The following SF3A3 variants were observed in gnomAD, a reference collection of about 807,000 sequenced individuals.
SF3A3 encodes the protein SAP 61.
SF3A3 carries 9 observed loss-of-function variants against 85.8 expected under a neutral mutation model. The ratio of observed to expected loss-of-function variants is 0.10; its 90% confidence interval spans 0.06 to 0.18. The LOEUF is 0.18. SF3A3 is among the 10% of genes least tolerant of loss of function. SF3A3 has a pLI of 1.00. For missense variants in SF3A3, 306 were observed against 593.3 expected (o/e 0.52, Z 5.03); for synonymous variants, 195 against 204.4 (o/e 0.95, Z 0.39).
chr1:37,974,224 G>A (rs985787975), intron 12 of SF3A3, among the ~76,000 whole-genome samples: 13 of 149,284 alleles, frequency 8.7e-5, no homozygotes, highest in Non-Finnish European at 1.6e-4. Context: ...AGAACTTAAA[G>A]TATAAAAAAA....
intron 15 of SF3A3, among the ~76,000 whole-genome samples, chr1:37,964,852 T>C (rs1479817646): frequency 6.6e-6 from 1 of 152,122 alleles, no homozygotes; most frequent in Non-Finnish European, 1.5e-5. Context: ...CTTCTATTTT[T>C]CCCTTTATAT....
chr1:37,981,778 C>A lies in SF3A3; in HGVS notation c.502G>T (p.Asp168Tyr). 1.3e-6 allele frequency: 2 copies of A among 1,596,862 alleles called. No individual in the cohort carries two copies. Among genetic ancestry groups the A allele is most frequent in the South Asian group, 2.2e-5 (2 of 89,964 alleles). Residue 168 changes from aspartate to tyrosine, a missense_variant, in exon 7 of 17, where the codon GAC (aspartate) becomes TAC (tyrosine). Physicochemically the swap from Asp to Tyr is radical, Grantham distance 160 (BLOSUM62 -3). Coordinates refer to ENST00000373019, the MANE Select transcript of SF3A3 (RefSeq NM_006802.4). Reference protein sequence around the residue: ...LDYITYLSIFDQLFDIPKERK... With the variant: ...LDYITYLSIFYQLFDIPKERK... ...TCTTTAGGAATGTCAAATAATTGGT[C>A]AAAGATGGACAGGTATGTGATATAA... is the stretch of plus-strand genomic sequence containing the variant.
At chr1:37,966,935 C>CAA (rs11394683) in intron 15 of SF3A3, among the ~76,000 whole-genome samples, 1,258 of 14,126 alleles carry the variant, frequency 0.089, 210 homozygotes, top group African/African-American at 0.17. Context: ...AACTCCATCT[C>CAA]AAAAAAAAAA....
Position 37,979,446 on chromosome 1 carries a change from A to C in SF3A3, c.759+19T>G. The stretch of plus-strand genomic sequence containing the variant: ...AAAAATAGACAGAGAGAACACTACT[A>C]CTGCTGAAGGAAACATACCTCCCAG... On this transcript the variant is annotated intron_variant, in intron 9 of 16. Coordinates refer to ENST00000373019, the MANE Select transcript of SF3A3 (RefSeq NM_006802.4). 1 of 1,586,550 alleles carries C rather than the reference A, an allele frequency of 6.3e-7. No individual in the cohort carries two copies. The highest frequency in any genetic ancestry group is 8.7e-7 in the Non-Finnish European group (1 of 1,155,300).
At chr1:37,973,439 A>C (rs1248980481) in intron 12 of SF3A3, among the ~76,000 whole-genome samples, 1 of 152,218 alleles carries the variant, frequency 6.6e-6, no homozygotes, top group Non-Finnish European at 1.5e-5. Context: ...AAATGTTTAC[A>C]ATTTACCCAT....
rs770904045 is a variant in SF3A3 at position 37,978,806 on chromosome 1, C to T, written c.849G>A (p.Gln283=). 24 of 1,572,654 alleles carry T rather than the reference C, an allele frequency of 1.5e-5. No individual in the cohort carries two copies. Among genetic ancestry groups the T allele is most frequent in the Middle Eastern group, 1.7e-4 (1 of 6,026 alleles). ...KCGGTLEERA[Q]RLFSTKGKSL... ...ACTTTCCTTTGGTACTGAATAGTCTCTGGGCTCGCTCTTCTAGGGTCCTAA... is the reference window on the plus strand; with the variant it reads ...ACTTTCCTTTGGTACTGAATAGTCTTTGGGCTCGCTCTTCTAGGGTCCTAA... The change falls in exon 11 of 17, where the codon CAG becomes CAA. Residue 283 remains glutamine (Q), a synonymous_variant. Transcript: ENST00000373019.
intron 6 of SF3A3, among the ~76,000 whole-genome samples, chr1:37,982,586 G>C (rs996497668): frequency 6.6e-6 from 1 of 151,972 alleles, no homozygotes; most frequent in Non-Finnish European, 1.5e-5. Flanking sequence ...TGGTCAGGCA[G>C]GTCTTGAACA....
chr1:37,969,536 G>C (rs1646324445), intron 13 of SF3A3, 35 bp downstream of exon 13: 1 of 1,613,938 alleles, frequency 6.2e-7, no homozygotes, highest in African/African-American at 1.3e-5. Context: ...TTCCAAAATG[G>C]GGAATGGGGA....
At chr1:37,971,466 A>C (rs1224522837) in intron 12 of SF3A3, among the ~76,000 whole-genome samples, 4 of 152,206 alleles carry the variant, frequency 2.6e-5, no homozygotes, top group Admixed American at 2.0e-4. Context: ...AAACTATTCT[A>C]ATCAATAGGA....
At chr1:37,983,007 C>T (rs1646430533) in intron 6 of SF3A3, among the ~76,000 whole-genome samples, 3 of 151,890 alleles carry the variant, frequency 2.0e-5, no homozygotes, top group East Asian at 2.0e-4. Context: ...GACACAATCT[C>T]GGCTTACCGC....
At chr1:37,973,685 G>A (rs865809025) in intron 12 of SF3A3, among the ~76,000 whole-genome samples, 1 of 152,156 alleles carries the variant, frequency 6.6e-6, no homozygotes, top group African/African-American at 2.4e-5. Context: ...ATTCCTCAAG[G>A]ATCTAGAACT....
At chr1:37,963,952 C>T (rs998226285) in intron 15 of SF3A3, among the ~76,000 whole-genome samples, 2 of 148,572 alleles carry the variant, frequency 1.3e-5, no homozygotes, top group South Asian at 4.3e-4. Flanking sequence ...GAGGCCAAGG[C>T]GGGCAGATCA....
rs1174210450 is a variant in SF3A3 at position 37,957,800 on chromosome 1, A to C, written c.*386T>G. 2 of 172,426 alleles carry C rather than the reference A, an allele frequency of 1.2e-5. No homozygotes were observed. The highest frequency in any genetic ancestry group is 2.5e-5 in the Non-Finnish European group (2 of 81,100). The allele number at this position is 172,426 out of a possible 1,614,324, so 10.7% of individuals were successfully genotyped here. A position where few individuals can be genotyped will look rare whatever the true frequency, so the allele number is the denominator to read the frequency against. ...GTAATACTCATTCAGGGAAGCAGCA[A>C]CAAAGGAGGGTGGGGAAAGAGGTCA... On this transcript the variant is annotated 3_prime_UTR_variant, in exon 17 of 17. Transcript: ENST00000373019.
intron 7 of SF3A3, among the ~76,000 whole-genome samples, chr1:37,981,101 G>A (rs111565173): frequency 0.013 from 2,035 of 151,930 alleles, 57 homozygotes; most frequent in African/African-American, 0.047. Context: ...CGTCTGCCTC[G>A]GCCTCCCAAA....
At chr1:37,984,634 C>A in intron 5 of SF3A3, 73 bp downstream of exon 5, 1 of 995,010 alleles carries the variant, frequency 1.0e-6, no homozygotes, top group Non-Finnish European at 1.6e-6. Flanking sequence ...TCTCTGAGGC[C>A]ATGGCTGCAA....
intron 11 of SF3A3, among the ~76,000 whole-genome samples, chr1:37,977,779 C>T (rs1646389266): frequency 6.6e-6 from 1 of 152,056 alleles, no homozygotes; most frequent in Non-Finnish European, 1.5e-5. Context: ...GTGGAGGTTG[C>T]AGCGAGCCGA....
intron 12 of SF3A3, among the ~76,000 whole-genome samples, chr1:37,970,924 C>A (rs982133511): frequency 2.0e-5 from 3 of 152,098 alleles, no homozygotes; most frequent in Non-Finnish European, 2.9e-5. Flanking sequence ...AAAACTGACA[C>A]CCTAACATCA....
chr1:37,970,438 TAGAC>T (rs1380699945), intron 12 of SF3A3, among the ~76,000 whole-genome samples: 4 of 151,988 alleles, frequency 2.6e-5, no homozygotes, highest in African/African-American at 9.7e-5. Context: ...CTGTCAACAT[TAGAC>T]AGATCAACGA....
At chr1:37,987,435 C>G in intron 4 of SF3A3, 138 bp downstream of exon 4, 1 of 669,090 alleles carries the variant, frequency 1.5e-6, no homozygotes, top group Non-Finnish European at 2.6e-6. Flanking sequence ...AGGATGTCAG[C>G]TAACTATGGT....
Sources: gnomAD v4.1 joint callset for allele counts (sites outside exome capture counted in the v4.1 genomes callset) on GRCh38, gnomAD v4.1.1 for gene constraint, MANE v1.5 for transcripts, NCBI Gene and HGNC (gene_info 2026-07-23, HGNC 2026-07-21) for gene names.